Variants in PDE4D observed in about 807,000 individuals in gnomAD.
PDE4D encodes the protein 3',5'-cyclic-AMP phosphodiesterase 4D.
In PDE4D, 24 loss-of-function variants were observed where a neutral mutation model predicts 87.4. The observed-to-expected ratio is 0.27, with a 90% CI of 0.20 to 0.39. The LOEUF (loss-of-function observed/expected upper bound fraction) is 0.39, where lower values mean the gene tolerates loss of function less well. PDE4D is among the 10% of genes least tolerant of loss of function. PDE4D has a pLI of 1.00. For synonymous variants in PDE4D, 384 were observed against 383.2 expected (o/e 1.00, Z -0.02); for missense variants, 714 against 1,041.0 (o/e 0.69, Z 4.32).
intron 3 of PDE4D, among the ~76,000 whole-genome samples, chr5:59,970,176 C>A (rs1760552301): frequency 6.6e-6 from 1 of 152,132 alleles, no homozygotes; most frequent in Non-Finnish European, 1.5e-5. Flanking sequence ...TCTCAGTGGA[C>A]TAACAGCAGA....
intron 5 of PDE4D, among the ~76,000 whole-genome samples, chr5:59,141,724 G>A (rs760576013): frequency 1.6e-4 from 25 of 152,152 alleles, no homozygotes; most frequent in Non-Finnish European, 3.2e-4. Context: ...CATGTGAAAG[G>A]GACGATGTTG....
chr5:59,478,857 C>T lies in PDE4D; in HGVS notation c.456-262889G>A, dbSNP rs73760616. Among the ~76,000 whole-genome samples the T allele has an allele frequency of 7.5e-3, 1,140 of 152,042 alleles. 16 individuals are homozygous for T. Among genetic ancestry groups the T allele is most frequent in the African/African-American group, 0.025 (1,037 of 41,486 alleles). The stretch of plus-strand genomic sequence containing the variant: ...GAGCCACATTCAACTAGAAAAGTAG[C>T]ACTTAACATATAACCTGCTCCTGTC... On this transcript the variant is annotated intron_variant, in intron 1 of 14. Coordinates refer to ENST00000340635, the MANE Select transcript of PDE4D (RefSeq NM_001104631.2).
intron 1 of PDE4D, among the ~76,000 whole-genome samples, chr5:60,366,965 G>T (rs1267570227): frequency 6.6e-6 from 1 of 152,138 alleles, no homozygotes; most frequent in Non-Finnish European, 1.5e-5. Context: ...ATAAGTGAGT[G>T]TCACACCAGA....
Position 59,352,253 on chromosome 5 carries a change from C to A in PDE4D, c.456-136285G>T, listed in dbSNP as rs143860076. 3.0e-3 allele frequency among the ~76,000 whole-genome samples: 462 copies of A among 152,178 alleles called. 4 individuals are homozygous for A. Among genetic ancestry groups the A allele is most frequent in the African/African-American group, 0.01 (435 of 41,526 alleles). On this transcript the variant is annotated intron_variant, in intron 1 of 14. Transcript: ENST00000340635. Reference sequence around the variant, plus strand: ...GTCTCTAGTCCCTGAACCTTCAATTCTTCTTCTCTTATTTGATACTAATTA... The same window carrying A: ...GTCTCTAGTCCCTGAACCTTCAATTATTCTTCTCTTATTTGATACTAATTA...
chr5:60,427,922 A>T (rs1249164945), intron 1 of PDE4D, among the ~76,000 whole-genome samples: 3 of 152,030 alleles, frequency 2.0e-5, no homozygotes, highest in South Asian at 2.1e-4. Flanking sequence ...AAATAAAAAT[A>T]AAAAATTAAC....
At chr5:60,435,636 T>C (rs1744699801) in intron 1 of PDE4D, among the ~76,000 whole-genome samples, 1 of 151,592 alleles carries the variant, frequency 6.6e-6, no homozygotes, top group Non-Finnish European at 1.5e-5. Context: ...TATTTGCAAC[T>C]TGAATAAATG....
chr5:59,683,628 CT>C (rs1461966308), intron 1 of PDE4D, among the ~76,000 whole-genome samples: 1 of 152,102 alleles, frequency 6.6e-6, no homozygotes, highest in Non-Finnish European at 1.5e-5. Flanking sequence ...CAGAAAATAG[CT>C]ATTCGTGACA....
At chr5:60,200,479 C>T (rs555831796) in intron 1 of PDE4D, among the ~76,000 whole-genome samples, 2 of 145,582 alleles carry the variant, frequency 1.4e-5, no homozygotes, top group African/African-American at 4.9e-5. Context: ...TGTTTTTCCC[C>T]ACCTCATTAA....
At chr5:59,584,917 T>C (rs897321230) in intron 1 of PDE4D, among the ~76,000 whole-genome samples, 2 of 152,178 alleles carry the variant, frequency 1.3e-5, no homozygotes, top group African/African-American at 4.8e-5. Flanking sequence ...CCAGGATCTT[T>C]TAATCTCAAG....
At chr5:60,273,655 T>A (rs1401059244) in intron 1 of PDE4D, among the ~76,000 whole-genome samples, 1 of 152,036 alleles carries the variant, frequency 6.6e-6, no homozygotes, top group African/African-American at 2.4e-5. Context: ...TGGTGAAAAG[T>A]AGGTGGAATC....
chr5:60,305,667 A>G (rs970822874), intron 1 of PDE4D, among the ~76,000 whole-genome samples: 5 of 151,844 alleles, frequency 3.3e-5, no homozygotes, highest in Non-Finnish European at 7.4e-5. Context: ...AACAGAAAAA[A>G]AAATCCTGCA....
chr5:60,345,871 A>G (rs1056785609), intron 1 of PDE4D, among the ~76,000 whole-genome samples: 1 of 152,146 alleles, frequency 6.6e-6, no homozygotes, highest in Non-Finnish European at 1.5e-5. Context: ...TGCCTGAAAC[A>G]TATTATCAAA....
chr5:59,797,053 T>C (rs1766566774), intron 1 of PDE4D: 1 of 151,002 alleles, frequency 6.6e-6, no homozygotes, highest in African/African-American at 2.4e-5. Context: ...TTCCTTGTCA[T>C]ATATACCTGA....
intron 3 of PDE4D, among the ~76,000 whole-genome samples, chr5:59,933,780 A>ATG: frequency 1.9e-5 from 2 of 107,482 alleles, no homozygotes; most frequent in East Asian, 4.2e-4. Flanking sequence ...AGATATATAT[A>ATG]TATATATATA....
At chr5:60,347,188 A>G (rs1561146995) in intron 1 of PDE4D, among the ~76,000 whole-genome samples, 1 of 152,082 alleles carries the variant, frequency 6.6e-6, no homozygotes, top group African/African-American at 2.4e-5. Flanking sequence ...TGAATGATGC[A>G]TAAGAGCCAG....
chr5:60,162,205 A>G (rs1038877039), intron 2 of PDE4D, among the ~76,000 whole-genome samples: 1 of 152,186 alleles, frequency 6.6e-6, no homozygotes, highest in Non-Finnish European at 1.5e-5. Flanking sequence ...ACGTTAGCAA[A>G]ATAGATTTAT....
chr5:59,997,415 T>C (rs1017153822), intron 2 of PDE4D, among the ~76,000 whole-genome samples: 3 of 152,178 alleles, frequency 2.0e-5, no homozygotes, highest in Admixed American at 1.3e-4. Flanking sequence ...GGATCTATTG[T>C]CTTCATTCTC....
chr5:59,980,211 A>G (rs184864116), intron 3 of PDE4D, among the ~76,000 whole-genome samples: 3 of 152,320 alleles, frequency 2.0e-5, no homozygotes, highest in African/African-American at 7.2e-5. Context: ...AGTGATTCAC[A>G]GTTCTGCATT....
rs567224065 is a variant in PDE4D at position 59,454,153 on chromosome 5, C to T, written c.456-238185G>A. ...TTAAGCACACTGTTGAGAACTACTGCTCTTATATAAAGATTTTTAAAAATA... is the reference window on the plus strand; with the variant it reads ...TTAAGCACACTGTTGAGAACTACTGTTCTTATATAAAGATTTTTAAAAATA... On this transcript the variant is annotated intron_variant, in intron 1 of 14. Coordinates refer to ENST00000340635, the MANE Select transcript of PDE4D (RefSeq NM_001104631.2). Among the ~76,000 whole-genome samples, 153 of 152,274 alleles carry T rather than the reference C, an allele frequency of 1.0e-3. 2 individuals carry two copies. Among genetic ancestry groups the T allele is most frequent in the African/African-American group, 3.6e-3 (149 of 41,556 alleles).
Sources: gnomAD v4.1 joint callset for allele counts (sites outside exome capture counted in the v4.1 genomes callset) on GRCh38, gnomAD v4.1.1 for gene constraint, MANE v1.5 for transcripts, NCBI Gene and HGNC (gene_info 2026-07-23, HGNC 2026-07-21) for gene names.